TRA2B: variants seen among roughly 807,000 people sequenced by gnomAD.
TRA2B encodes transformer-2 protein homolog beta.
In TRA2B, 14 loss-of-function variants were observed where a neutral mutation model predicts 41.7. The observed-to-expected ratio is 0.34, with a 90% CI of 0.22 to 0.53. TRA2B has a LOEUF of 0.53. TRA2B is among the 20% of genes least tolerant of loss of function. The pLI, the probability that TRA2B is intolerant of heterozygous loss-of-function variation, is 0.95. For synonymous variants in TRA2B, 130 were observed against 128.8 expected, an observed-to-expected ratio of 1.01 and a Z score of -0.06; for missense variants, 167 against 396.8, an observed-to-expected ratio of 0.42 and a Z score of 4.92.
At chr3:185,935,646 A>C in intron 1 of TRA2B, 10 of 985,306 alleles carry the variant, frequency 1.0e-5, no homozygotes, top group Non-Finnish European at 1.1e-5. Context: ...GTTGAATAAC[A>C]CTCATTTTTC....
chr3:185,928,650 A>G (rs535069438), intron 1 of TRA2B: 1 of 152,366 alleles, frequency 6.6e-6, no homozygotes, highest in South Asian at 2.1e-4. Context: ...TGGGGAACCC[A>G]AAAGTTGCTA....
rs182413168 is a variant in TRA2B at position 185,935,389 on chromosome 3, A to G, written c.36+2436T>C. ...CACAGACCAACGAGGGATGAGGGACACACCAGTTCTTTAAATGTCATTATA... is the reference window on the plus strand; with the variant it reads ...CACAGACCAACGAGGGATGAGGGACGCACCAGTTCTTTAAATGTCATTATA... On this transcript the variant is annotated intron_variant, in intron 1 of 8. Coordinates refer to ENST00000453386, the MANE Select transcript of TRA2B (RefSeq NM_004593.3). The G allele has an allele frequency of 8.1e-6, 8 of 985,452 alleles. No homozygotes were observed. In the East Asian group the frequency reaches 6.8e-4, roughly 84 times the overall value. The allele number at this position is 985,452 out of a possible 1,614,324, so 61.0% of individuals were successfully genotyped here. A position where few individuals can be genotyped will look rare whatever the true frequency, so the allele number is the denominator to read the frequency against.
chr3:185,921,823 CT>C (rs1472685672), intron 5 of TRA2B, among the ~76,000 whole-genome samples, 187 bp downstream of exon 5: 1 of 152,066 alleles, frequency 6.6e-6, no homozygotes, highest in East Asian at 1.9e-4. Context: ...ATGGACTTGA[CT>C]AAGATTTAGT....
At chr3:185,921,956 G>A (rs1743761015) in intron 5 of TRA2B, 55 bp downstream of exon 5, 3 of 1,347,834 alleles carry the variant, frequency 2.2e-6, no homozygotes, top group Non-Finnish European at 3.1e-6. Flanking sequence ...TAATACAAGT[G>A]TTTCTTTGAC....
At chr3:185,921,025 A>C in intron 6 of TRA2B, 79 bp downstream of exon 6, 1 of 1,250,396 alleles carries the variant, frequency 8.0e-7, no homozygotes, top group Non-Finnish European at 1.1e-6. Context: ...GCTTTTAACA[A>C]AGGCTAAAAC....
chr3:185,931,314 G>A (rs1168018287), intron 1 of TRA2B, among the ~76,000 whole-genome samples: 1 of 152,144 alleles, frequency 6.6e-6, no homozygotes, highest in African/African-American at 2.4e-5. Flanking sequence ...CATTAGACAG[G>A]TAAAGTTTAT....
intron 5 of TRA2B, among the ~76,000 whole-genome samples, chr3:185,921,695 C>T (rs563233278): frequency 2.0e-4 from 30 of 152,196 alleles, no homozygotes; most frequent in South Asian, 1.9e-3. Flanking sequence ...ACCCAGGAGG[C>T]GAAGGTTGCA....
intron 1 of TRA2B, chr3:185,934,929 C>G (rs1744291949): frequency 3.0e-6 from 3 of 985,432 alleles, no homozygotes; most frequent in Non-Finnish European, 3.6e-6. Context: ...TCTTTAACAT[C>G]TGGTCCATAC....
chr3:185,917,768 AAT>A, intron 8 of TRA2B, 43 bp from the exon 9 acceptor site: 1 of 1,592,174 alleles, frequency 6.3e-7, no homozygotes, highest in Non-Finnish European at 8.6e-7. Context: ...TAAGTGAACT[AAT>A]TATCAAGTAT....
chr3:185,926,091 C>T (rs1044755937), intron 2 of TRA2B, among the ~76,000 whole-genome samples: 2 of 151,846 alleles, frequency 1.3e-5, no homozygotes, highest in African/African-American at 4.8e-5. Context: ...CGAGGACACA[C>T]ATTTAAGAAA....
intron 1 of TRA2B, chr3:185,937,122 T>C: frequency 2.0e-6 from 2 of 985,514 alleles, no homozygotes; most frequent in Non-Finnish European, 2.4e-6. Context: ...GATTTTTGCC[T>C]GGGAAGCCCT....
chr3:185,932,561 CAA>C (rs1227942422), intron 1 of TRA2B, among the ~76,000 whole-genome samples: 3 of 152,160 alleles, frequency 2.0e-5, no homozygotes, highest in Non-Finnish European at 4.4e-5. Context: ...CTGGTATTTT[CAA>C]AGAGTTTTGT....
intron 2 of TRA2B, 136 bp from the exon 3 acceptor site, chr3:185,925,762 AT>A (rs1743923975): frequency 2.3e-6 from 2 of 871,378 alleles, no homozygotes; most frequent in Admixed American, 7.8e-5. Context: ...AGTAGGATCA[AT>A]ACTTTTCTTC....
intron 1 of TRA2B, chr3:185,931,968 AAAAG>A (rs1249059638): frequency 1.0e-5 from 8 of 771,806 alleles, no homozygotes; most frequent in East Asian, 3.3e-5. Flanking sequence ...AAAAAAAAAA[AAAAG>A]AAACTAGAAT....
intron 1 of TRA2B, among the ~76,000 whole-genome samples, chr3:185,930,003 C>T (rs1744090216): frequency 6.6e-6 from 1 of 152,178 alleles, no homozygotes; most frequent in Admixed American, 6.5e-5. Flanking sequence ...GCCTCCTCCT[C>T]ATCTTCCCTA....
rs1475052270 is a variant in TRA2B, at chr3:185,919,504, G to T, written c.723-8C>A. The stretch of plus-strand genomic sequence containing the variant: ...CCTCCTCCACCTCCTCCTCTGTGAA[G>T]ACAGAAAGGCAACACAACACGCATT... On this transcript the variant is annotated splice_region_variant and splice_polypyrimidine_tract_variant and intron_variant, in intron 6 of 8. Coordinates refer to ENST00000453386, the MANE Select transcript of TRA2B (RefSeq NM_004593.3). The T allele has an allele frequency of 6.2e-7, 1 of 1,609,564 alleles. No homozygotes were observed. The highest frequency in any genetic ancestry group is 1.3e-5 in the African/African-American group (1 of 74,620).
chr3:185,937,888 GTGCTTCAATCGAAGC>G lies in TRA2B; in HGVS notation c.-43_-29del. On this transcript the variant is annotated 5_prime_UTR_variant, in exon 1 of 9. Coordinates refer to ENST00000453386, the MANE Select transcript of TRA2B (RefSeq NM_004593.3). ...CTCCTGGCTGCTGTCGCCGGTCGAT[GTGCTTCAATCGAAGC>G]TGCCAACCTCTTGCACCTTCCTTAA... The G allele has an allele frequency of 1.2e-6, 2 of 1,613,644 alleles. No homozygotes were observed. The highest frequency in any genetic ancestry group is 1.6e-4 in the Middle Eastern group (1 of 6,062).
chr3:185,921,717 T>C (rs545572316), intron 5 of TRA2B, among the ~76,000 whole-genome samples: 32 of 152,194 alleles, frequency 2.1e-4, no homozygotes, highest in Non-Finnish European at 3.1e-4. Context: ...TGAACTGAGA[T>C]TGCACCATCG....
rs201581851 is a variant in TRA2B, at chr3:185,917,710, A to AT, written c.*4dup. ...CTAGGGCAGGTTTCAGAAAGTCTTC[A>AT]TGCTTTAATAGCGACCTGGGAAGAA... On this transcript the variant is annotated 3_prime_UTR_variant, in exon 9 of 9. Transcript: ENST00000453386. The AT allele has an allele frequency of 1.1e-3, 1,796 of 1,613,502 alleles. 23 individuals are homozygous for AT. In the Admixed American group the frequency reaches 0.02, roughly 18 times the overall value.
Sources: gnomAD v4.1 joint callset for allele counts (sites outside exome capture counted in the v4.1 genomes callset) on GRCh38, gnomAD v4.1.1 for gene constraint, MANE v1.5 for transcripts, NCBI Gene and HGNC (gene_info 2026-07-23, HGNC 2026-07-21) for gene names.